DPP6: variants seen among roughly 807,000 people sequenced by gnomAD.
The protein encoded by DPP6 is A-type potassium channel modulatory protein DPP6.
Under a neutral mutation model 122.6 loss-of-function variants are expected in DPP6, and 69 were observed. That is an observed-to-expected ratio of 0.56 (90% CI 0.46 to 0.69). The LOEUF (loss-of-function observed/expected upper bound fraction) is 0.69. DPP6 is among the 30% of genes least tolerant of loss of function. The pLI is 0.00. For missense variants in DPP6, 928 were observed against 1,116.9 expected (o/e 0.83, Z 2.41); for synonymous variants, 418 against 433.1 (o/e 0.97, Z 0.43).
In DPP6 at chr7:154,267,534, A is replaced by T. The variant is rs141666733; in HGVS notation, c.244-178680A>T. On this transcript the variant is annotated intron_variant, in intron 1 of 25. Transcript: ENST00000377770. ...CACACATACTTATATATGCGTGTAC[A>T]TATTTATCCCTTATAAACACATATA... 2.9e-3 allele frequency among the ~76,000 whole-genome samples: 429 copies of T among 149,800 alleles called. 8 individuals carry two copies. The highest frequency in any genetic ancestry group is 9.8e-3 in the African/African-American group (393 of 40,078).
intron 8 of DPP6, among the ~76,000 whole-genome samples, chr7:154,753,858 C>T (rs994605120): frequency 6.6e-6 from 1 of 152,150 alleles, no homozygotes; most frequent in Non-Finnish European, 1.5e-5. Context: ...CCTGTGGGGA[C>T]AGGAATCCCT....
intron 1 of DPP6, among the ~76,000 whole-genome samples, chr7:154,333,814 G>T (rs2151043730): frequency 6.6e-6 from 1 of 152,270 alleles, no homozygotes; most frequent in South Asian, 2.1e-4. Flanking sequence ...AATTATTGGG[G>T]TCAGCCATTG....
chr7:154,770,695 A>G (rs1796200323), intron 9 of DPP6, among the ~76,000 whole-genome samples: 1 of 152,162 alleles, frequency 6.6e-6, no homozygotes, highest in African/African-American at 2.4e-5. Flanking sequence ...CAAGACAGTC[A>G]TGTTCTGACC....
intron 1 of DPP6, among the ~76,000 whole-genome samples, chr7:154,087,412 C>T (rs1157648861): frequency 5.9e-5 from 9 of 152,248 alleles, no homozygotes; most frequent in South Asian, 2.1e-4. Context: ...TGTCTGCTCT[C>T]TACAGCTGAA....
At chr7:153,865,352 A>T in the DPP6 span, among the ~76,000 whole-genome samples, 1 of 152,166 alleles carries the variant, frequency 6.6e-6, no homozygotes, top group Admixed American at 6.6e-5. Context: ...TTTATTTTTT[A>T]GATTTTAATG....
intron 7 of DPP6, among the ~76,000 whole-genome samples, chr7:154,670,351 C>T (rs1168108437): frequency 3.9e-5 from 6 of 152,124 alleles, no homozygotes; most frequent in Non-Finnish European, 8.8e-5. Flanking sequence ...AGAAAAAGGC[C>T]CTGAACACTA....
intron 1 of DPP6, among the ~76,000 whole-genome samples, chr7:154,185,399 A>G (rs1466138567): frequency 6.6e-6 from 1 of 152,130 alleles, no homozygotes; most frequent in African/African-American, 2.4e-5. Context: ...CTTGGGATTC[A>G]GGGAGATGGT....
At chr7:153,801,761 A>C in the DPP6 span, among the ~76,000 whole-genome samples, 2 of 152,224 alleles carry the variant, frequency 1.3e-5, no homozygotes, top group Non-Finnish European at 2.9e-5. Context: ...AAGAAAGTAC[A>C]TAAACAAAAA....
chr7:153,947,204 T>G (rs1801985971), intron 1 of DPP6, among the ~76,000 whole-genome samples: 1 of 152,202 alleles, frequency 6.6e-6, no homozygotes, highest in South Asian at 2.1e-4. Flanking sequence ...CAGGATCACT[T>G]ACTGCATTCC....
chr7:154,358,373 T>C (rs1471966629), intron 1 of DPP6, among the ~76,000 whole-genome samples: 1 of 152,246 alleles, frequency 6.6e-6, no homozygotes. Context: ...CTTTAAGATA[T>C]GCTTTTCTAA....
chr7:154,297,647 C>T (rs1023429045), intron 1 of DPP6, among the ~76,000 whole-genome samples: 7 of 152,166 alleles, frequency 4.6e-5, no homozygotes, highest in African/African-American at 1.7e-4. Flanking sequence ...TAACAGTGCC[C>T]AGTACACAGC....
chr7:153,846,251 C>T, the DPP6 span, among the ~76,000 whole-genome samples: 4 of 152,174 alleles, frequency 2.6e-5, no homozygotes, highest in South Asian at 8.3e-4. Flanking sequence ...GTACTACTGG[C>T]TTTTCAAATT....
At chr7:153,762,017 T>C in the DPP6 span, among the ~76,000 whole-genome samples, 2 of 152,210 alleles carry the variant, frequency 1.3e-5, no homozygotes, top group African/African-American at 4.8e-5. Context: ...ATGGGACTTA[T>C]TGCTTACTCT....
chr7:153,771,145 A>G, the DPP6 span, among the ~76,000 whole-genome samples: 1 of 152,204 alleles, frequency 6.6e-6, no homozygotes, highest in African/African-American at 2.4e-5. Flanking sequence ...CTCTATAAAT[A>G]AATGCCAATA....
chr7:153,840,808 G>A, the DPP6 span, among the ~76,000 whole-genome samples: 11 of 152,164 alleles, frequency 7.2e-5, no homozygotes, highest in Admixed American at 4.6e-4. Context: ...AAAGGATCAG[G>A]GCATGGGTAA....
chr7:154,872,567 C>T (rs1422163609), intron 18 of DPP6, 57 bp from the exon 19 acceptor site: 7 of 1,552,090 alleles, frequency 4.5e-6, no homozygotes, highest in Non-Finnish European at 4.4e-6. Context: ...AGGGCATGCC[C>T]GATACCCCGT....
At chr7:153,841,144 T>G in the DPP6 span, among the ~76,000 whole-genome samples, 15 of 152,222 alleles carry the variant, frequency 9.9e-5, no homozygotes, top group Non-Finnish European at 1.5e-4. Flanking sequence ...TCGTTTCACC[T>G]TAATGGATAT....
chr7:154,054,888 A>ATT (rs1381130924), intron 1 of DPP6, among the ~76,000 whole-genome samples: 1 of 151,380 alleles, frequency 6.6e-6, no homozygotes, highest in Non-Finnish European at 1.5e-5. Context: ...AGAGCTCTGA[A>ATT]TTTTATTTCA....
At chr7:154,097,633 A>T (rs76049965) in intron 1 of DPP6, among the ~76,000 whole-genome samples, 12,598 of 152,158 alleles carry the variant, frequency 0.083, 506 homozygotes, top group Middle Eastern at 0.14. Flanking sequence ...TAGTGGCTTA[A>T]AACTATGCAC....
Sources: allele counts gnomAD v4.1 joint callset (sites outside exome capture counted in the v4.1 genomes callset), GRCh38; gene constraint gnomAD v4.1.1; transcripts MANE v1.5; gene names NCBI Gene and HGNC (gene_info 2026-07-23, HGNC 2026-07-21).